NCOR2: variants seen among roughly 807,000 people sequenced by gnomAD.
NCOR2 encodes the protein CTG repeat protein 26.
A neutral mutation model predicts 262.9 loss-of-function variants in NCOR2; 81 were observed. The observed-to-expected ratio is 0.31, with a 90% confidence interval of 0.26 to 0.37. NCOR2 has a LOEUF of 0.37. NCOR2 is among the 10% of genes least tolerant of loss of function. The pLI is 1.00. For missense variants in NCOR2, 3,385 were observed against 3,621.4 expected (o/e 0.93, Z 1.68); for synonymous variants, 1,659 against 1,559.3 (o/e 1.06, Z -1.51).
chr12:124,520,086 G>A (rs1357031299), intron 1 of NCOR2, among the ~76,000 whole-genome samples: 1 of 152,248 alleles, frequency 6.6e-6, no homozygotes, highest in Non-Finnish European at 1.5e-5. Context: ...GATGAGCATA[G>A]TGGCTGCGGA....
At chr12:124,544,445 G>A (rs1437610760) in intron 1 of NCOR2, among the ~76,000 whole-genome samples, 1 of 152,228 alleles carries the variant, frequency 6.6e-6, no homozygotes, top group African/African-American at 2.4e-5. Context: ...GCTCCCTGGA[G>A]GGCGGGGGCA....
intron 16 of NCOR2, among the ~76,000 whole-genome samples, chr12:124,395,657 G>T (rs2041606433): frequency 6.6e-6 from 1 of 152,282 alleles, no homozygotes; most frequent in South Asian, 2.1e-4. Context: ...GCAAACAGAG[G>T]GCAGGCACTG....
At chr12:124,418,312 G>C (rs1232835407) in intron 13 of NCOR2, among the ~76,000 whole-genome samples, 2 of 152,156 alleles carry the variant, frequency 1.3e-5, no homozygotes, top group African/African-American at 4.8e-5. Context: ...TGCGGCGAGG[G>C]GTGGCTCATG....
chr12:124,392,105 G>A (rs551994600), intron 16 of NCOR2, among the ~76,000 whole-genome samples: 3 of 152,350 alleles, frequency 2.0e-5, no homozygotes, highest in East Asian at 1.9e-4. Flanking sequence ...GCCACGTGAC[G>A]ACAGGCATCA....
exon 47 of NCOR2, chr12:124,325,377 G>GT: frequency 4.1e-6 from 1 of 246,788 alleles, no homozygotes; most frequent in Non-Finnish European, 6.6e-6. Flanking sequence ...ACCTGACACC[G>GT]CCCCCCCCCC....
rs944923129 is a variant in NCOR2, at chr12:124,516,123, G to A, written c.-118+19442C>T. Among the ~76,000 whole-genome samples, 6 of 152,222 alleles carry A rather than the reference G, an allele frequency of 3.9e-5. 1 individual carries two copies. The highest frequency in any genetic ancestry group is 2.1e-4 in the South Asian group (1 of 4,832). On this transcript the variant is annotated intron_variant, in intron 1 of 46. Transcript: ENST00000404621. The stretch of plus-strand genomic sequence containing the variant: ...AGAGGCCCCATGACAATGAGACAGC[G>A]GGCAGCTGGTGCGGGGGGCCTGGAC...
At chr12:124,562,896 CTG>C (rs575934366) in intron 1 of NCOR2, among the ~76,000 whole-genome samples, 626 of 152,232 alleles carry the variant, frequency 4.1e-3, no homozygotes, top group Non-Finnish European at 7.2e-3. Context: ...ACTGCAGCTC[CTG>C]TGTGTCCTGC....
chr12:124,485,108 A>C lies in NCOR2; in HGVS notation c.233+1333T>G, dbSNP rs894859703. Among the ~76,000 whole-genome samples, 3 of 152,358 alleles carry C rather than the reference A, an allele frequency of 2.0e-5. No homozygotes were observed. In the South Asian group the frequency reaches 6.2e-4, roughly 32 times the overall value. ...TTACATGGGGCTTGGCAGGAAGCGC[A>C]TGGTGTTTTCTCTTAAACATGATAG... On this transcript the variant is annotated intron_variant, in intron 2 of 46. Coordinates refer to ENST00000405201, the Ensembl canonical transcript of NCOR2.
At chr12:124,492,678 G>A (rs778573253) in intron 1 of NCOR2, among the ~76,000 whole-genome samples, 72 of 152,252 alleles carry the variant, frequency 4.7e-4, no homozygotes, top group Middle Eastern at 6.8e-3. Context: ...TCAGGAAGGG[G>A]GTAGTATCTT....
chr12:124,395,174 A>G (rs1044420194), intron 16 of NCOR2, among the ~76,000 whole-genome samples: 4 of 152,124 alleles, frequency 2.6e-5, no homozygotes, highest in African/African-American at 9.7e-5. Context: ...TGGGTAAAGG[A>G]TGGGCAGAGA....
At chr12:124,539,349 C>T (rs941373654), upstream of NCOR2, 28 of 153,110 alleles carry the variant, frequency 1.8e-4, no homozygotes, top group Non-Finnish European at 2.6e-4. The surrounding 1 kb of genome is among the most constrained non-coding windows in gnomAD (Gnocchi z 5.1). Context: ...GGGCCACCCA[C>T]ACACATTCCA....
At chr12:124,358,776 A>G (rs2038233681) in intron 22 of NCOR2, among the ~76,000 whole-genome samples, 1 of 138,446 alleles carries the variant, frequency 7.2e-6, no homozygotes, top group Admixed American at 7.8e-5. Context: ...GAGTGTGCAA[A>G]GGGCATTACC....
chr12:124,406,319 C>T (rs2042272541), intron 13 of NCOR2, among the ~76,000 whole-genome samples: 1 of 152,200 alleles, frequency 6.6e-6, no homozygotes, highest in Non-Finnish European at 1.5e-5. Flanking sequence ...GTTACCCACA[C>T]CTGCAGGTGC....
At chr12:124,416,632 C>T (rs1345443199) in intron 13 of NCOR2, among the ~76,000 whole-genome samples, 2 of 145,638 alleles carry the variant, frequency 1.4e-5, no homozygotes, top group Admixed American at 1.4e-4. Flanking sequence ...GTCCCCGCGG[C>T]ACAGATAGAC....
exon 17 of NCOR2, chr12:124,385,768 A>G: frequency 6.2e-7 from 1 of 1,613,958 alleles, no homozygotes; most frequent in Non-Finnish European, 8.5e-7. Flanking sequence ...TGCTGCTGCA[A>G]GATCTCATCG....
chr12:124,472,048 C>T (rs1565974822), intron 4 of NCOR2, among the ~76,000 whole-genome samples: 2 of 152,128 alleles, frequency 1.3e-5, no homozygotes, highest in African/African-American at 4.8e-5. Context: ...TTTACAAAAA[C>T]CAGCAGCAGC....
chr12:124,391,555 C>A (rs867795062), intron 16 of NCOR2, among the ~76,000 whole-genome samples: 1 of 152,152 alleles, frequency 6.6e-6, no homozygotes, highest in Admixed American at 6.5e-5. Flanking sequence ...CTTGACAGGC[C>A]GGGCACTCCT....
At chr12:124,498,809 A>G (rs1387330004), upstream of NCOR2, among the ~76,000 whole-genome samples, 1 of 152,238 alleles carries the variant, frequency 6.6e-6, no homozygotes, top group Admixed American at 6.5e-5. Context: ...TCAGCCATAA[A>G]GAGGAACGAA....
Position 124,341,781 on chromosome 12 carries a change from A to G in NCOR2, c.5188+42T>C, listed in dbSNP as rs111336033. 5,362 of 1,563,388 alleles carry G rather than the reference A, an allele frequency of 3.4e-3. 15 individuals carry two copies. The highest frequency in any genetic ancestry group is 4.2e-3 in the Non-Finnish European group (4,826 of 1,157,564). ...AGGGGCACGCCCATGTCCTTTGGGA[A>G]TAAGGCCAAACCCAGCGGAGGTGGT... On this transcript the variant is annotated intron_variant, in intron 34 of 46. Coordinates refer to ENST00000405201, the Ensembl canonical transcript of NCOR2.
Sources: allele counts gnomAD v4.1 joint callset (sites outside exome capture counted in the v4.1 genomes callset), GRCh38; gene constraint gnomAD v4.1.1; non-coding constraint Gnocchi (gnomAD v3.1); transcripts MANE v1.5; gene names NCBI Gene and HGNC (gene_info 2026-07-23, HGNC 2026-07-21).